Variants in MED12L observed in about 807,000 individuals in gnomAD.
The protein encoded by MED12L is mediator complex subunit 12L, also known as mediator of RNA polymerase II transcription subunit 12-like protein.
A neutral mutation model predicts 281.3 loss-of-function variants in MED12L; 60 were observed. The observed-to-expected ratio is 0.21, with a 90% CI of 0.17 to 0.26. MED12L has a LOEUF of 0.26. MED12L is among the 10% of genes least tolerant of loss of function. The probability of loss-of-function intolerance (pLI) is 1.00; values close to 1 mark genes in which losing one functional copy is unlikely to be tolerated. For missense variants in MED12L, 2,146 were observed against 2,680.9 expected, an observed-to-expected ratio of 0.80 and a Z score of 4.41; for synonymous variants, 974 against 987.2, an observed-to-expected ratio of 0.99 and a Z score of 0.25.
chr3:151,417,531 C>G (rs1407903048), intron 43 of MED12L, among the ~76,000 whole-genome samples: 1 of 123,020 alleles, frequency 8.1e-6, no homozygotes, highest in Non-Finnish European at 1.6e-5. Flanking sequence ...CTCGATCACT[C>G]AAGCTGGAGT....
rs867480292 is a variant in MED12L at position 151,163,690 on chromosome 3, G to A, written c.1108-203G>A. 2.6e-5 allele frequency among the ~76,000 whole-genome samples: 4 copies of A among 152,242 alleles called. No individual in the cohort carries two copies. The South Asian group carries it at 8.3e-4, about 32-fold the overall frequency. ...ATTATTCCTTAATTTCTCAACAGCT[G>A]TACTTCCTCCCTTTCAACTTAATAA... is the stretch of plus-strand genomic sequence containing the variant. On this transcript the variant is annotated intron_variant, in intron 8 of 44. Coordinates refer to ENST00000687756, the MANE Select transcript of MED12L (RefSeq NM_001393769.1).
At chr3:151,409,453 A>G (rs1716715158) in intron 40 of MED12L, 121 bp downstream of exon 40, 16 of 794,664 alleles carry the variant, frequency 2.0e-5, no homozygotes, top group Non-Finnish European at 3.1e-5. Flanking sequence ...TACTTCTTCT[A>G]CTTATAGATT....
chr3:151,436,650 T>C lies in MED12L; in HGVS notation c.*3846T>C, dbSNP rs546241592. 3 of 1,442,140 alleles carry C rather than the reference T, an allele frequency of 2.1e-6. No homozygotes were observed. The Admixed American group carries it at 6.5e-5, about 31-fold the overall frequency. 89.3% of individuals were successfully genotyped at this position (1,442,140 alleles called of 1,614,324 possible). On this transcript the variant is annotated 3_prime_UTR_variant, in exon 45 of 45. Coordinates refer to ENST00000687756, the MANE Select transcript of MED12L (RefSeq NM_001393769.1). ...CTTTGATTAAACTTCTTCCAAAAAATAAATTCTGCCCAGATGTTGTTGACT... is the reference window on the plus strand; with the variant it reads ...CTTTGATTAAACTTCTTCCAAAAAACAAATTCTGCCCAGATGTTGTTGACT...
intron 5 of MED12L, among the ~76,000 whole-genome samples, chr3:151,130,578 C>T (rs138314623): frequency 1.6e-4 from 24 of 152,288 alleles, no homozygotes; most frequent in Admixed American, 4.6e-4. Context: ...TCTTGCATGG[C>T]CCCTTGTCCC....
intron 16 of MED12L, among the ~76,000 whole-genome samples, chr3:151,276,115 A>G (rs982833658): frequency 1.2e-4 from 18 of 152,252 alleles, no homozygotes; most frequent in African/African-American, 3.1e-4. Flanking sequence ...TGCCCAGACA[A>G]CAGGTGAAAA....
At chr3:151,278,002 A>G (rs1742175636) in intron 16 of MED12L, among the ~76,000 whole-genome samples, 1 of 152,138 alleles carries the variant, frequency 6.6e-6, no homozygotes, top group Non-Finnish European at 1.5e-5. Flanking sequence ...CCTTTTAAAC[A>G]TTTTCCTTGA....
rs576334900 is a variant in MED12L at position 151,309,506 on chromosome 3, G to A, written c.2251-40553G>A. Among the ~76,000 whole-genome samples the A allele has an allele frequency of 1.2e-4, 19 of 152,272 alleles. No homozygotes were observed. The South Asian group carries it at 3.7e-3, about 30-fold the overall frequency. ...GACCTGTATACCTGCCCACTTTATA[G>A]TTCCTGCACCAGACCCTCCTTACCT... On this transcript the variant is annotated intron_variant, in intron 16 of 44. Coordinates refer to ENST00000687756, the MANE Select transcript of MED12L (RefSeq NM_001393769.1).
At chr3:151,107,875 C>T (rs546863261) in intron 2 of MED12L, among the ~76,000 whole-genome samples, 2 of 152,096 alleles carry the variant, frequency 1.3e-5, no homozygotes, top group Admixed American at 6.5e-5. Context: ...TGCATTCAAA[C>T]GCAGATCCAT....
intron 2 of MED12L, among the ~76,000 whole-genome samples, chr3:151,092,771 T>G (rs891304340): frequency 2.0e-5 from 3 of 152,168 alleles, no homozygotes; most frequent in Non-Finnish European, 2.9e-5. Context: ...TTCAGAAAGC[T>G]CCTCACCTGA....
intron 2 of MED12L, among the ~76,000 whole-genome samples, chr3:151,103,629 A>G (rs1721651494): frequency 6.6e-6 from 1 of 152,210 alleles, no homozygotes; most frequent in South Asian, 2.1e-4. Context: ...TGGTGATACC[A>G]TTTTTAAAGT....
At chr3:151,108,794 A>C (rs189099911) in intron 2 of MED12L, among the ~76,000 whole-genome samples, 1 of 152,144 alleles carries the variant, frequency 6.6e-6, no homozygotes. Flanking sequence ...GAGTGTCTGT[A>C]GTATGTATTT....
chr3:151,138,435 T>C (rs1442388913), intron 5 of MED12L, among the ~76,000 whole-genome samples: 1 of 152,258 alleles, frequency 6.6e-6, no homozygotes, highest in Admixed American at 6.5e-5. Flanking sequence ...TTATTATAAT[T>C]AATGAACCAA....
At chr3:151,168,801 G>A (rs1249295471) in intron 11 of MED12L, among the ~76,000 whole-genome samples, 2 of 152,060 alleles carry the variant, frequency 1.3e-5, no homozygotes, top group East Asian at 1.9e-4. Flanking sequence ...TGCCTCTCAG[G>A]TTCAAACAAT....
chr3:151,354,118 G>A (rs1265068218), intron 17 of MED12L, among the ~76,000 whole-genome samples: 1 of 123,862 alleles, frequency 8.1e-6, no homozygotes, highest in East Asian at 2.5e-4. Context: ...TCCAGCCTGG[G>A]CGACAGAGCG....
chr3:151,178,181 A>AAAAAAAG (rs1560124057), intron 11 of MED12L, among the ~76,000 whole-genome samples: 8 of 149,436 alleles, frequency 5.4e-5, no homozygotes, highest in African/African-American at 2.0e-4. Context: ...AAAAAAAAAA[A>AAAAAAAG]AAAGAAAGTG....
chr3:151,336,629 C>T (rs757799958), intron 16 of MED12L: 3 of 443,392 alleles, frequency 6.8e-6, no homozygotes, highest in South Asian at 1.6e-5. Context: ...AGCGAATATG[C>T]CTTGTGTAGA....
chr3:151,340,439 A>G (rs183928264), intron 16 of MED12L, among the ~76,000 whole-genome samples: 152 of 152,258 alleles, frequency 1.0e-3, no homozygotes, highest in African/African-American at 3.5e-3. Flanking sequence ...GACATCACTA[A>G]TTAGACTTCT....
At chr3:151,149,837 C>T (rs1718218226) in intron 5 of MED12L, among the ~76,000 whole-genome samples, 1 of 152,186 alleles carries the variant, frequency 6.6e-6, no homozygotes, top group Admixed American at 6.5e-5. Flanking sequence ...GAAGAAACCA[C>T]TTTGTTTGCT....
intron 16 of MED12L, chr3:151,328,816 G>T (rs3732757): frequency 0.052 from 83,362 of 1,613,820 alleles, 2,400 homozygotes; most frequent in East Asian, 0.13. Flanking sequence ...TTTTGAGGTA[G>T]ATGATGAAGG....
Sources: gnomAD v4.1 joint callset for allele counts (sites outside exome capture counted in the v4.1 genomes callset) on GRCh38, gnomAD v4.1.1 for gene constraint, MANE v1.5 for transcripts, NCBI Gene and HGNC (gene_info 2026-07-23, HGNC 2026-07-21) for gene names.